PVALEF: variants seen among roughly 807,000 people sequenced by gnomAD.
PVALEF encodes parvalbumin like EF-hand containing.
PVALEF carries 2 observed loss-of-function variants against 1.2 expected under a neutral mutation model. That is an observed-to-expected ratio of 1.68 (90% CI 0.69 to 5.28). The LOEUF (loss-of-function observed/expected upper bound fraction) is 5.28, where lower values mean the gene tolerates loss of function less well. Ranked by LOEUF, PVALEF falls within the 30% of genes most tolerant of loss-of-function variation. The pLI is 0.06. For missense variants in PVALEF, 35 were observed against 17.7 expected (o/e 1.97, Z -1.75); for synonymous variants, 16 against 6.5 (o/e 2.47, Z -2.24).
rs2061555906 is a variant in PVALEF at position 81,181,979 on chromosome 17, A to G, written c.256A>G (p.Ile86Val). 2.5e-6 allele frequency: 1 copy of G among 398,470 alleles called. No homozygotes were observed. Among genetic ancestry groups the G allele is most frequent in the South Asian group, 1.3e-4 (1 of 7,860 alleles). The allele number at this position is 398,470 out of a possible 1,614,324, so 24.7% of individuals were successfully genotyped here. ...CCTTGGCCCCAGGTACATCCTGTCC[A>G]TCATCCCCAGCAGCGGGCCCACCAC... ...EWNEIKYILS[I>V]IPSSGPTTPL... Residue 86 changes from isoleucine to valine, a missense_variant, in exon 6 of 7, where the codon ATC becomes GTC. Coordinates refer to ENST00000637878, the MANE Select transcript of PVALEF (RefSeq NM_001354639.2).
At chr17:81,182,665 G>A (rs968755426) in intron 6 of PVALEF, among the ~76,000 whole-genome samples, 6 of 152,242 alleles carry the variant, frequency 3.9e-5, no homozygotes, top group African/African-American at 7.2e-5. Flanking sequence ...CTCTCAGAGG[G>A]TCTGGTGGGA....
chr17:81,170,198 CAT>C (rs1567835620), intron 2 of PVALEF, among the ~76,000 whole-genome samples: 2 of 149,498 alleles, frequency 1.3e-5, no homozygotes, highest in Non-Finnish European at 3.0e-5. Context: ...TGTGTCTTTG[CAT>C]ATGTGTAGGT....
chr17:81,170,814 A>C (rs1165107020), intron 2 of PVALEF, among the ~76,000 whole-genome samples: 1 of 152,048 alleles, frequency 6.6e-6, no homozygotes, highest in Non-Finnish European at 1.5e-5. Flanking sequence ...ATTCTGCCAC[A>C]TGCCCCTCCA....
At chr17:81,165,981 G>GGAC (rs1194283815) in intron 1 of PVALEF, 1 of 1,583,342 alleles carries the variant, frequency 6.3e-7, no homozygotes, top group Non-Finnish European at 8.6e-7. Context: ...GGTTGAAGAA[G>GGAC]GACGACGACA....
At chr17:81,166,286 T>G (rs1213141504) in intron 1 of PVALEF, among the ~76,000 whole-genome samples, 24 of 49,832 alleles carry the variant, frequency 4.8e-4, no homozygotes, top group African/African-American at 7.5e-4. Flanking sequence ...GCGGCCGGGG[T>G]GGCATGGGGG....
chr17:81,165,799 G>C (rs2061481809), intron 1 of PVALEF, 52 bp downstream of exon 1: 1 of 1,499,772 alleles, frequency 6.7e-7, no homozygotes, highest in Admixed American at 2.1e-5. Flanking sequence ...GCCGCCAGGG[G>C]GTCCGGCTGC....
At chr17:81,169,780 A>G (rs1202641762) in intron 2 of PVALEF, among the ~76,000 whole-genome samples, 2 of 151,836 alleles carry the variant, frequency 1.3e-5, no homozygotes, top group East Asian at 1.9e-4. Context: ...GTGTCTGTGC[A>G]TATGTGTAGA....
At position 81,165,557 on chromosome 17, in the gene PVALEF, A is replaced by C. The variant is rs1424010072; in HGVS notation, c.-698A>C. 9.2e-7 allele frequency: 1 copy of C among 1,081,180 alleles called. No homozygotes were observed. The highest frequency in any genetic ancestry group is 1.3e-6 in the Non-Finnish European group (1 of 786,662). 67.0% of individuals were successfully genotyped at this position (1,081,180 alleles called of 1,614,324 possible). A position where few individuals can be genotyped will look rare whatever the true frequency, so the allele number is the denominator to read the frequency against. On this transcript the variant is annotated 5_prime_UTR_variant, in exon 1 of 7. Transcript: ENST00000637878. ...CCTCCCACGCCAGGGCCCCGGACCCAGGAGAGGCCATGGAAAGCCTGAACC... is the reference window on the plus strand; with the variant it reads ...CCTCCCACGCCAGGGCCCCGGACCCCGGAGAGGCCATGGAAAGCCTGAACC...
chr17:81,179,068 G>T lies in PVALEF; in HGVS notation c.-189G>T, dbSNP rs891967904. 3 of 455,074 alleles carry T rather than the reference G, an allele frequency of 6.6e-6. No individual in the cohort carries two copies. In the Admixed American group the frequency reaches 7.1e-5, roughly 11 times the overall value. 28.2% of individuals were successfully genotyped at this position (455,074 alleles called of 1,614,324 possible). On this transcript the variant is annotated 5_prime_UTR_variant, in exon 3 of 7. Coordinates refer to ENST00000637878, the MANE Select transcript of PVALEF (RefSeq NM_001354639.2). ...GCAGCCCCGAGATGTAAACAGGCTT[G>T]CAGGTATAAAAGCTGGAGCCCCTGG...
At position 81,165,665 on chromosome 17, in the gene PVALEF, C is replaced by T; in HGVS notation, c.-590C>T. 1 of 1,503,276 alleles carries T rather than the reference C, an allele frequency of 6.7e-7. No homozygotes were observed. The highest frequency in any genetic ancestry group is 8.9e-7 in the Non-Finnish European group (1 of 1,126,006). The allele number at this position is 1,503,276 out of a possible 1,614,324, so 93.1% of individuals were successfully genotyped here. A position where few individuals can be genotyped will look rare whatever the true frequency, so the allele number is the denominator to read the frequency against. ...TGGACACCAGGGGCCCACGCAGGCC[C>T]TCCGTGCCCCAGTTACCTGTGCCCT... On this transcript the variant is annotated 5_prime_UTR_variant, in exon 1 of 7. Coordinates refer to ENST00000637878, the MANE Select transcript of PVALEF (RefSeq NM_001354639.2).
intron 2 of PVALEF, among the ~76,000 whole-genome samples, chr17:81,173,087 C>A (rs1470146695): frequency 1.3e-5 from 2 of 152,190 alleles, no homozygotes; most frequent in Admixed American, 1.3e-4. Context: ...GTGATGTGTA[C>A]CTGTTCTGGT....
intron 1 of PVALEF, chr17:81,166,033 C>A (rs763593882): frequency 1.2e-5 from 18 of 1,452,012 alleles, no homozygotes; most frequent in Non-Finnish European, 1.6e-5. Flanking sequence ...GAGGGCGCTG[C>A]GCTCAGGACG....
chr17:81,181,037 C>T (rs1598252044), intron 3 of PVALEF, 86 bp from the exon 4 acceptor site: 1 of 540,760 alleles, frequency 1.8e-6, no homozygotes, highest in Non-Finnish European at 3.3e-6. Flanking sequence ...CCCAGACCCC[C>T]ACCTGCCTGG....
At chr17:81,180,781 C>T (rs997827405) in intron 3 of PVALEF, among the ~76,000 whole-genome samples, 1 of 152,142 alleles carries the variant, frequency 6.6e-6, no homozygotes, top group Non-Finnish European at 1.5e-5. Context: ...CAGCCCCACT[C>T]GAGAACACAG....
chr17:81,181,305 C>T lies in PVALEF; in HGVS notation c.79C>T (p.Leu27=). The T allele has an allele frequency of 1.4e-6, 1 of 695,144 alleles. No homozygotes were observed. Among genetic ancestry groups the T allele is most frequent in the Non-Finnish European group, 2.6e-6 (1 of 381,052 alleles). The allele number at this position is 695,144 out of a possible 1,614,324, so 43.1% of individuals were successfully genotyped here. The change falls in exon 4 of 7, where the codon CTG becomes TTG. Residue 27 remains leucine, a synonymous_variant. Coordinates refer to ENST00000637878, the MANE Select transcript of PVALEF (RefSeq NM_001354639.2). ...GTSLSDKDIE[L]LPTDMRHHGS... Reference sequence around the variant, plus strand: ...GTCCCTATCAGACAAGGACATTGAGCTGCTGCCCACAGACATGAGACACCA... The same window carrying T: ...GTCCCTATCAGACAAGGACATTGAGTTGCTGCCCACAGACATGAGACACCA...
chr17:81,170,461 C>G (rs2061517149), intron 2 of PVALEF, among the ~76,000 whole-genome samples: 1 of 152,184 alleles, frequency 6.6e-6, no homozygotes. Context: ...ATCACAGCTG[C>G]AAGGACCCTA....
intron 6 of PVALEF, among the ~76,000 whole-genome samples, chr17:81,182,522 C>A (rs1415573145): frequency 2.0e-5 from 3 of 152,232 alleles, no homozygotes; most frequent in Admixed American, 6.5e-5. Context: ...GGTCTAGAAA[C>A]CCCAGCAAAC....
intron 2 of PVALEF, among the ~76,000 whole-genome samples, chr17:81,169,368 G>GC (rs34346526): frequency 1.6e-5 from 1 of 62,758 alleles, no homozygotes; most frequent in East Asian, 3.8e-4. Context: ...GGGAGGCCAA[G>GC]GGGGGCGGAC....
chr17:81,168,006 G>T (rs536709886), intron 2 of PVALEF, among the ~76,000 whole-genome samples: 28 of 152,280 alleles, frequency 1.8e-4, no homozygotes, highest in Non-Finnish European at 8.8e-5. Context: ...GAGGGACAGA[G>T]GGTATGGCAT....
Sources: gnomAD v4.1 joint callset for allele counts (sites outside exome capture counted in the v4.1 genomes callset) on GRCh38, gnomAD v4.1.1 for gene constraint, MANE v1.5 for transcripts, NCBI Gene and HGNC (gene_info 2026-07-23, HGNC 2026-07-21) for gene names.